Variants in ITCH observed in about 807,000 individuals in gnomAD.
ITCH encodes E3 ubiquitin-protein ligase Itchy homolog.
Under a neutral mutation model 126.8 loss-of-function variants are expected in ITCH, and 28 were observed. The ratio of observed to expected loss-of-function variants is 0.22; its 90% confidence interval spans 0.16 to 0.30. ITCH has a LOEUF of 0.30. Ranked by LOEUF, ITCH falls within the 10% of genes least tolerant of loss-of-function variation. ITCH has a pLI of 1.00. For missense variants in ITCH, 631 were observed against 1,032.4 expected (o/e 0.61, Z 5.33); for synonymous variants, 342 against 340.0 (o/e 1.01, Z -0.06).
intron 10 of ITCH, among the ~76,000 whole-genome samples, chr20:34,442,643 A>G (rs1983901232): frequency 6.6e-6 from 1 of 150,912 alleles, no homozygotes; most frequent in African/African-American, 2.4e-5. Flanking sequence ...GTGAGCTATC[A>G]TGCCTGGCCC....
chr20:34,409,624 A>G (rs975840135), intron 4 of ITCH, among the ~76,000 whole-genome samples: 4 of 152,108 alleles, frequency 2.6e-5, no homozygotes, highest in Admixed American at 2.0e-4. Flanking sequence ...TAGCTTTGTA[A>G]TATTCCTTAA....
intron 20 of ITCH, among the ~76,000 whole-genome samples, chr20:34,487,895 C>T (rs57632091): frequency 0.02 from 2,971 of 152,278 alleles, 89 homozygotes; most frequent in African/African-American, 0.059. Context: ...GTCGAGATCA[C>T]GCCATTGCGC....
intron 2 of ITCH, among the ~76,000 whole-genome samples, chr20:34,381,690 T>G (rs1375954429): frequency 6.6e-6 from 1 of 152,016 alleles, no homozygotes; most frequent in East Asian, 1.9e-4. Flanking sequence ...CCTCCCAAAG[T>G]GCTGAGATTA....
chr20:34,475,688 AGGCAGAGGCAGG>A (rs958284141), intron 16 of ITCH, among the ~76,000 whole-genome samples: 16 of 143,354 alleles, frequency 1.1e-4, no homozygotes, highest in Admixed American at 2.1e-4. Flanking sequence ...GAGACGGGAG[AGGCAGAGGCAGG>A]GGCAGGGGCA....
At chr20:34,482,481 C>T (rs561559273) in intron 20 of ITCH, among the ~76,000 whole-genome samples, 1 of 152,320 alleles carries the variant, frequency 6.6e-6, no homozygotes, top group Admixed American at 6.5e-5. Context: ...CTACAGGCCC[C>T]ATGCAAGTTT....
intron 2 of ITCH, among the ~76,000 whole-genome samples, chr20:34,371,599 A>G (rs2037634101): frequency 6.6e-6 from 1 of 152,104 alleles, no homozygotes; most frequent in Non-Finnish European, 1.5e-5. Context: ...CTTTTTTATA[A>G]TCAAGAGAAA....
chr20:34,385,550 T>C (rs956031882), intron 2 of ITCH, among the ~76,000 whole-genome samples: 4 of 152,104 alleles, frequency 2.6e-5, no homozygotes, highest in African/African-American at 9.7e-5. Flanking sequence ...ATAGTTAATT[T>C]TGAAATGTTT....
intron 16 of ITCH, chr20:34,475,797 A>T (rs1988161079): frequency 4.6e-6 from 3 of 647,872 alleles, no homozygotes; most frequent in Non-Finnish European, 8.2e-6. Context: ...GTAGTTATAC[A>T]AGGTGAATTA....
At chr20:34,468,969 A>G (rs954413715) in intron 14 of ITCH, among the ~76,000 whole-genome samples, 1 of 152,206 alleles carries the variant, frequency 6.6e-6, no homozygotes, top group Non-Finnish European at 1.5e-5. Context: ...TATAAAGTCA[A>G]TGTACAAAAT....
intron 12 of ITCH, among the ~76,000 whole-genome samples, chr20:34,455,353 A>G (rs1424079797): frequency 6.6e-6 from 1 of 152,240 alleles, no homozygotes; most frequent in Non-Finnish European, 1.5e-5. Flanking sequence ...TACAGCAGGA[A>G]TCCCATCTTT....
intron 20 of ITCH, among the ~76,000 whole-genome samples, chr20:34,483,574 A>G (rs917513691): frequency 2.0e-5 from 3 of 152,106 alleles, no homozygotes; most frequent in Admixed American, 6.6e-5. Context: ...AAAGTTTCTC[A>G]TTTCCATCTG....
At chr20:34,450,199 A>G (rs1211002659) in intron 12 of ITCH, among the ~76,000 whole-genome samples, 3 of 152,256 alleles carry the variant, frequency 2.0e-5, no homozygotes, top group Non-Finnish European at 2.9e-5. Flanking sequence ...TGCTGTACGT[A>G]GTTATATAAG....
chr20:34,368,247 C>T lies in ITCH; in HGVS notation c.-98-1147C>T, dbSNP rs1211917372. Among the ~76,000 whole-genome samples, 5 of 144,584 alleles carry T rather than the reference C, an allele frequency of 3.5e-5. No individual in the cohort carries two copies. In the Admixed American group the frequency reaches 3.5e-4, roughly 10 times the overall value. The allele number at this position is 144,584 out of a possible 152,430, so 94.9% of individuals were successfully genotyped here. ...ATTGTGCCACTGCACTCCAGCCTGG[C>T]AACAAGAATGAGACTCTGTCTCAAA... On this transcript the variant is annotated intron_variant, in intron 1 of 24. Coordinates refer to ENST00000374864, the MANE Select transcript of ITCH (RefSeq NM_031483.7).
chr20:34,389,885 C>T (rs1034519205), intron 2 of ITCH, among the ~76,000 whole-genome samples: 1 of 152,076 alleles, frequency 6.6e-6, no homozygotes, highest in African/African-American at 2.4e-5. Flanking sequence ...CTTTGGGAGG[C>T]CAAGGTGGGT....
chr20:34,379,778 T>C (rs1230466315), intron 2 of ITCH, among the ~76,000 whole-genome samples: 2 of 151,772 alleles, frequency 1.3e-5, no homozygotes, highest in East Asian at 1.9e-4. Flanking sequence ...TTTGTGTTTT[T>C]AGTAGAGACA....
At chr20:34,499,285 T>TAATACACAGTG (rs1569007933) in intron 23 of ITCH, among the ~76,000 whole-genome samples, 1 of 131,408 alleles carries the variant, frequency 7.6e-6, no homozygotes, top group Non-Finnish European at 1.6e-5. Flanking sequence ...TTTTTTTTTT[T>TAATACACAGTG]TTTTTTTTTT....
chr20:34,405,430 G>A (rs937498981), intron 3 of ITCH, among the ~76,000 whole-genome samples: 1 of 152,052 alleles, frequency 6.6e-6, no homozygotes, highest in South Asian at 2.1e-4. Flanking sequence ...GCTTGAACCC[G>A]GCAGGCGGAG....
At chr20:34,435,110 T>C (rs886569550) in intron 7 of ITCH, among the ~76,000 whole-genome samples, 9 of 152,096 alleles carry the variant, frequency 5.9e-5, no homozygotes, top group African/African-American at 2.2e-4. Context: ...AAGTCATCCG[T>C]CATTTATAAT....
chr20:34,375,696 ATTTTTTTTTTTTT>A (rs5841171), intron 2 of ITCH, among the ~76,000 whole-genome samples: 64 of 65,560 alleles, frequency 9.8e-4, no homozygotes, highest in Non-Finnish European at 1.2e-3. Context: ...GGTAGTTAAA[ATTTTTTTTTTTTT>A]TTTTTTTTTT....
Sources: gnomAD v4.1 joint callset for allele counts (sites outside exome capture counted in the v4.1 genomes callset) on GRCh38, gnomAD v4.1.1 for gene constraint, MANE v1.5 for transcripts, NCBI Gene and HGNC (gene_info 2026-07-23, HGNC 2026-07-21) for gene names.